GUCY1A2: variants seen among roughly 807,000 people sequenced by gnomAD.
The protein encoded by GUCY1A2 is guanylate cyclase soluble subunit alpha-2.
A neutral mutation model predicts 63.5 loss-of-function variants in GUCY1A2; 27 were observed. That is an observed-to-expected ratio of 0.43 (90% CI 0.31 to 0.59). GUCY1A2 has a LOEUF of 0.59. GUCY1A2 is among the 20% of genes least tolerant of loss of function. The pLI is 0.11. For synonymous variants in GUCY1A2, 364 were observed against 343.5 expected (o/e 1.06, Z -0.66); for missense variants, 768 against 913.3 (o/e 0.84, Z 2.05).
At chr11:106,818,225 T>G (rs915515421) in intron 4 of GUCY1A2, among the ~76,000 whole-genome samples, 1 of 152,228 alleles carries the variant, frequency 6.6e-6, no homozygotes, top group Admixed American at 6.5e-5. Flanking sequence ...GACAACCTTC[T>G]GTTGAACAAA....
intron 3 of GUCY1A2, among the ~76,000 whole-genome samples, chr11:106,959,662 A>G (rs1295997270): frequency 1.3e-5 from 2 of 152,212 alleles, no homozygotes; most frequent in African/African-American, 2.4e-5. Context: ...GAGTCATAAC[A>G]AAAAGATACC....
At chr11:106,829,708 A>G (rs1234396652) in intron 4 of GUCY1A2, among the ~76,000 whole-genome samples, 1 of 152,150 alleles carries the variant, frequency 6.6e-6, no homozygotes, top group Non-Finnish European at 1.5e-5. Context: ...GGTTGGGGTG[A>G]CTGACCTGGA....
intron 4 of GUCY1A2, among the ~76,000 whole-genome samples, chr11:106,913,986 C>CAAAA (rs11325847): frequency 1.3e-3 from 93 of 71,020 alleles, no homozygotes; most frequent in Middle Eastern, 8.1e-3. Flanking sequence ...AATGAAAAAG[C>CAAAA]AAAAAAAAAA....
At chr11:106,822,852 A>G (rs1032252019) in intron 4 of GUCY1A2, among the ~76,000 whole-genome samples, 1 of 152,202 alleles carries the variant, frequency 6.6e-6, no homozygotes, top group African/African-American at 2.4e-5. Context: ...ACAATTTGTC[A>G]TCAACAATTT....
chr11:106,933,491 T>C (rs543282081), intron 4 of GUCY1A2, among the ~76,000 whole-genome samples: 1 of 152,324 alleles, frequency 6.6e-6, no homozygotes, highest in South Asian at 2.1e-4. Context: ...TTATACGTTG[T>C]TGGTGGGACT....
intron 4 of GUCY1A2, among the ~76,000 whole-genome samples, chr11:106,921,073 C>G (rs1860438329): frequency 6.6e-6 from 1 of 152,016 alleles, no homozygotes; most frequent in Non-Finnish European, 1.5e-5. Context: ...ATAAGGTCAA[C>G]TGTTACATAC....
At chr11:106,746,401 T>A in intron 6 of GUCY1A2, 2 of 446,410 alleles carry the variant, frequency 4.5e-6, no homozygotes, top group Non-Finnish European at 8.0e-6. Context: ...CAAAGTAGAG[T>A]CTCAACAAAC....
At chr11:106,702,851 G>C (rs1055350997) in intron 7 of GUCY1A2, among the ~76,000 whole-genome samples, 1 of 152,042 alleles carries the variant, frequency 6.6e-6, no homozygotes, top group Non-Finnish European at 1.5e-5. Context: ...CCTGAAAAAT[G>C]TGAATATGTT....
At chr11:106,802,056 T>C (rs979356954) in intron 5 of GUCY1A2, among the ~76,000 whole-genome samples, 1 of 152,198 alleles carries the variant, frequency 6.6e-6, no homozygotes, top group African/African-American at 2.4e-5. Context: ...TGATAAATAG[T>C]GGCAGAAGTA....
chr11:106,912,176 A>C (rs1181504830), intron 4 of GUCY1A2, among the ~76,000 whole-genome samples: 2 of 152,022 alleles, frequency 1.3e-5, no homozygotes, highest in Non-Finnish European at 2.9e-5. Flanking sequence ...TTACTAATTC[A>C]TACCTAAATT....
intron 6 of GUCY1A2, among the ~76,000 whole-genome samples, chr11:106,750,482 C>G (rs1565277657): frequency 6.6e-6 from 1 of 152,004 alleles, no homozygotes; most frequent in Non-Finnish European, 1.5e-5. Context: ...ACCATCACAA[C>G]AAAACAAAAT....
intron 6 of GUCY1A2, among the ~76,000 whole-genome samples, chr11:106,750,517 C>T (rs892734720): frequency 1.3e-5 from 2 of 152,044 alleles, no homozygotes; most frequent in African/African-American, 4.8e-5. Context: ...TGAGCTATTA[C>T]AAAGCTAAAA....
intron 4 of GUCY1A2, 44 bp downstream of exon 4, chr11:106,939,416 C>T: frequency 1.1e-6 from 1 of 922,660 alleles, no homozygotes; most frequent in African/African-American, 1.6e-5. Flanking sequence ...AATAATTATC[C>T]ACTCTTCTAG....
intron 1 of GUCY1A2, among the ~76,000 whole-genome samples, chr11:107,009,648 C>T (rs942488543): frequency 2.0e-5 from 3 of 152,178 alleles, no homozygotes; most frequent in African/African-American, 7.2e-5. Context: ...ACCTCAAATA[C>T]CTTCTACCAT....
At chr11:106,858,442 T>C (rs1221625080) in intron 4 of GUCY1A2, among the ~76,000 whole-genome samples, 1 of 152,134 alleles carries the variant, frequency 6.6e-6, no homozygotes, top group African/African-American at 2.4e-5. Context: ...TTTAATCTTC[T>C]TGACAAGCCT....
intron 7 of GUCY1A2, among the ~76,000 whole-genome samples, chr11:106,689,462 A>G (rs1862583945): frequency 6.6e-6 from 1 of 152,230 alleles, no homozygotes; most frequent in African/African-American, 2.4e-5. Context: ...AAAAGTATAA[A>G]CTATGCATCC....
At position 106,679,876 on chromosome 11, in the gene GUCY1A2, T is replaced by C. The variant is rs1862403795; in HGVS notation, c.*7673A>G. The C allele has an allele frequency of 4.6e-6, 1 of 217,808 alleles. No individual in the cohort carries two copies. Among genetic ancestry groups the C allele is most frequent in the Non-Finnish European group, 9.2e-6 (1 of 108,478 alleles). The allele number at this position is 217,808 out of a possible 1,614,324, so 13.5% of individuals were successfully genotyped here. A position where few individuals can be genotyped will look rare whatever the true frequency, so the allele number is the denominator to read the frequency against. ...CTATTTGTAGCTCTGTAAGCTTCTA[T>C]CCCAGCTTCACTGAGATGTGCAGCT... On this transcript the variant is annotated 3_prime_UTR_variant, in exon 8 of 8. Coordinates refer to ENST00000526355, the MANE Select transcript of GUCY1A2 (RefSeq NM_000855.3).
intron 6 of GUCY1A2, among the ~76,000 whole-genome samples, chr11:106,717,703 A>G (rs1863239657): frequency 6.6e-6 from 1 of 152,204 alleles, no homozygotes; most frequent in Non-Finnish European, 1.5e-5. Flanking sequence ...CTTTAACAGA[A>G]AGGAGCTTAA....
intron 6 of GUCY1A2, among the ~76,000 whole-genome samples, chr11:106,765,031 T>A (rs1399378853): frequency 4.6e-5 from 7 of 151,620 alleles, no homozygotes; most frequent in Non-Finnish European, 1.0e-4. Flanking sequence ...GTCTGACATC[T>A]GGAAAGTGTC....
Sources: allele counts gnomAD v4.1 joint callset (sites outside exome capture counted in the v4.1 genomes callset), GRCh38; gene constraint gnomAD v4.1.1; transcripts MANE v1.5; gene names NCBI Gene and HGNC (gene_info 2026-07-23, HGNC 2026-07-21).